The following WDTC1 variants were observed in gnomAD, a reference collection of about 807,000 sequenced individuals.
The protein encoded by WDTC1 is WD and tetratricopeptide repeats protein 1.
WDTC1 carries 12 observed loss-of-function variants against 76.0 expected under a neutral mutation model. The ratio of observed to expected loss-of-function variants is 0.16; its 90% CI spans 0.10 to 0.26. The LOEUF (loss-of-function observed/expected upper bound fraction) is 0.26. Ranked by LOEUF, WDTC1 falls within the 10% of genes least tolerant of loss-of-function variation. The pLI is 1.00. For missense variants in WDTC1, 511 were observed against 908.8 expected, an observed-to-expected ratio of 0.56 and a Z score of 5.63; for synonymous variants, 326 against 350.8, an observed-to-expected ratio of 0.93 and a Z score of 0.79.
At chr1:27,298,707 C>G (rs1196741803) in intron 12 of WDTC1, among the ~76,000 whole-genome samples, 1 of 152,168 alleles carries the variant, frequency 6.6e-6, no homozygotes, top group East Asian at 1.9e-4. Context: ...ATCAGGGCCC[C>G]CAGCCCTACT....
chr1:27,244,835 G>A (rs186803878), intron 1 of WDTC1, among the ~76,000 whole-genome samples: 5 of 152,304 alleles, frequency 3.3e-5, no homozygotes, highest in Admixed American at 6.5e-5. Flanking sequence ...TTGGGGGCAC[G>A]TCTCTGCTAT....
At position 27,294,645 on chromosome 1, in the gene WDTC1, G is replaced by T. The variant is rs192792865; in HGVS notation, c.873+16G>T. 81 of 1,611,112 alleles carry T rather than the reference G, an allele frequency of 5.0e-5. 1 individual carries two copies. The East Asian group carries it at 1.8e-3, about 36-fold the overall frequency. ...GGGGGAACAGGTATGTACAGCATAA[G>T]GTGGTTCTGCCCCATCACCATTCCA... On this transcript the variant is annotated intron_variant, in intron 9 of 15. Transcript: ENST00000319394.
chr1:27,287,134 GCC>G (rs2147968402), intron 5 of WDTC1, among the ~76,000 whole-genome samples: 1 of 151,164 alleles, frequency 6.6e-6, no homozygotes, highest in South Asian at 2.1e-4. Context: ...CTGCACTCCA[GCC>G]TGGGTGACAG....
At chr1:27,246,907 C>T (rs1186665585) in intron 1 of WDTC1, among the ~76,000 whole-genome samples, 1 of 146,910 alleles carries the variant, frequency 6.8e-6, no homozygotes, top group Non-Finnish European at 1.5e-5. Flanking sequence ...CACTCTGTCA[C>T]CCAGCCTGGA....
chr1:27,288,393 C>T (rs1039264065), intron 6 of WDTC1, among the ~76,000 whole-genome samples: 6 of 150,062 alleles, frequency 4.0e-5, no homozygotes, highest in African/African-American at 1.2e-4. Context: ...GGGTGTTTCT[C>T]GCAGAGGGGG....
intron 3 of WDTC1, among the ~76,000 whole-genome samples, chr1:27,269,606 G>GTTTTTTTTTTTTTTTGTTTTTTT (rs56885576): frequency 8.4e-6 from 1 of 119,482 alleles, no homozygotes; most frequent in African/African-American, 3.1e-5. Flanking sequence ...TTTGTTTTTT[G>GTTTTTTTTTTTTTTTGTTTTTTT]TTTTTTTTTT....
At chr1:27,248,499 T>G (rs1185107513) in intron 1 of WDTC1, among the ~76,000 whole-genome samples, 4 of 152,168 alleles carry the variant, frequency 2.6e-5, no homozygotes, top group African/African-American at 9.6e-5. Flanking sequence ...ATGGGATTGT[T>G]TTTTTCTTAC....
chr1:27,303,996 C>T lies in WDTC1; in HGVS notation c.1643+201C>T, dbSNP rs531938751. Reference sequence around the variant, plus strand: ...AACCTGCCATGCCCATTTATGAGGCCATAACAAGGACTAATAAGATAACCC... The same window carrying T: ...AACCTGCCATGCCCATTTATGAGGCTATAACAAGGACTAATAAGATAACCC... On this transcript the variant is annotated intron_variant, in intron 14 of 15. Transcript: ENST00000319394. The surrounding 1 kb of genome is among the most constrained non-coding windows in gnomAD (Gnocchi z 4.8). The T allele has an allele frequency of 2.1e-4, 135 of 633,090 alleles. No individual in the cohort carries two copies. The African/African-American group carries it at 2.4e-3, about 11-fold the overall frequency. The allele number at this position is 633,090 out of a possible 1,614,324, so 39.2% of individuals were successfully genotyped here.
intron 1 of WDTC1, among the ~76,000 whole-genome samples, chr1:27,255,994 CCT>C (rs1175794113): frequency 6.6e-6 from 1 of 152,118 alleles, no homozygotes; most frequent in South Asian, 2.1e-4. Context: ...TCAGAGAACC[CCT>C]CTCTATCAGG....
intron 1 of WDTC1, among the ~76,000 whole-genome samples, chr1:27,259,323 C>CT (rs57081638): frequency 0.097 from 10,268 of 106,154 alleles, 731 homozygotes; most frequent in African/African-American, 0.18. Context: ...CCATGCCCAA[C>CT]TTTTTTTTTT....
chr1:27,240,103 C>G (rs1055879789), intron 1 of WDTC1, among the ~76,000 whole-genome samples: 16 of 152,146 alleles, frequency 1.1e-4, no homozygotes, highest in Admixed American at 3.9e-4. Context: ...GTTGGCCAAG[C>G]TGGTCTCGAA....
At chr1:27,288,721 A>G (rs1316996367) in intron 6 of WDTC1, among the ~76,000 whole-genome samples, 1 of 151,712 alleles carries the variant, frequency 6.6e-6, no homozygotes, top group African/African-American at 2.4e-5. Context: ...TTAGTACAGA[A>G]CAAAATGAAA....
rs1480593604 is a variant in WDTC1, at chr1:27,293,199, G to A, written c.662+802G>A. Among the ~76,000 whole-genome samples the A allele has an allele frequency of 5.9e-5, 9 of 151,538 alleles. No individual in the cohort carries two copies. The East Asian group carries it at 1.2e-3, about 20-fold the overall frequency. On this transcript the variant is annotated intron_variant, in intron 7 of 15. Transcript: ENST00000319394. ...TGTAATCCCAGCACTTTGGGAGGCC[G>A]AGGCAGGCGGATCACGAGGTCAGGA... is the stretch of plus-strand genomic sequence containing the variant.
intron 3 of WDTC1, among the ~76,000 whole-genome samples, chr1:27,266,101 G>A (rs1334461786): frequency 6.6e-6 from 1 of 152,194 alleles, no homozygotes; most frequent in Non-Finnish European, 1.5e-5. Flanking sequence ...ATAGAGCCAT[G>A]GAATGGGATG....
At position 27,272,103 on chromosome 1, in the gene WDTC1, G is replaced by A. The variant is rs927614386; in HGVS notation, c.132+8868G>A. Among the ~76,000 whole-genome samples, 30 of 151,528 alleles carry A rather than the reference G, an allele frequency of 2.0e-4. No homozygotes were observed. In the South Asian group the frequency reaches 5.0e-3, roughly 25 times the overall value. On this transcript the variant is annotated intron_variant, in intron 3 of 15. Transcript: ENST00000319394. Reference sequence around the variant, plus strand: ...TCTACTAAAAATACAAAAATTAGCCGTGCGAGGTGGTGCACGCCTGTAATC... The same window carrying A: ...TCTACTAAAAATACAAAAATTAGCCATGCGAGGTGGTGCACGCCTGTAATC...
intron 3 of WDTC1, among the ~76,000 whole-genome samples, chr1:27,271,561 A>C (rs1238605061): frequency 6.6e-6 from 1 of 152,094 alleles, no homozygotes; most frequent in Non-Finnish European, 1.5e-5. Flanking sequence ...AAGTAAAATT[A>C]AATCAGCAAA....
At chr1:27,293,479 A>G (rs977190739) in intron 7 of WDTC1, among the ~76,000 whole-genome samples, 71 of 151,458 alleles carry the variant, frequency 4.7e-4, no homozygotes, top group African/African-American at 1.4e-3. Context: ...AATCTCTTAC[A>G]TAAATTCCTT....
intron 1 of WDTC1, among the ~76,000 whole-genome samples, chr1:27,250,180 T>A (rs893016740): frequency 5.3e-5 from 8 of 152,190 alleles, no homozygotes; most frequent in African/African-American, 1.2e-4. Context: ...GATACTGTTA[T>A]GTACTTTCTT....
In WDTC1 at chr1:27,305,533, A is replaced by G. The variant is rs1372047284; in HGVS notation, c.1836+340A>G. ...TCTGTACATTGGGAATGGGAATGAC[A>G]GCACCACCTTGAAAGGTTGTGGTGA... On this transcript the variant is annotated intron_variant, in intron 15 of 15. Coordinates refer to ENST00000319394, the MANE Select transcript of WDTC1 (RefSeq NM_001276252.2). This position sits in a 1 kb window ranked among gnomAD's most constrained non-coding sequence, Gnocchi z 4.6. Among the ~76,000 whole-genome samples the G allele has an allele frequency of 6.6e-6, 1 of 152,186 alleles. No individual in the cohort carries two copies. The highest frequency in any genetic ancestry group is 1.5e-5 in the Non-Finnish European group (1 of 68,026).
Sources: gnomAD v4.1 joint callset for allele counts (sites outside exome capture counted in the v4.1 genomes callset) on GRCh38, gnomAD v4.1.1 for gene constraint, Gnocchi (gnomAD v3.1) non-coding constraint, MANE v1.5 for transcripts, NCBI Gene and HGNC (gene_info 2026-07-23, HGNC 2026-07-21) for gene names.